KIAA0319L: variants seen among roughly 807,000 people sequenced by gnomAD.
The protein encoded by KIAA0319L is dyslexia-associated protein KIAA0319-like protein.
Under a neutral mutation model 120.1 loss-of-function variants are expected in KIAA0319L, and 55 were observed. The ratio of observed to expected loss-of-function variants is 0.46; its 90% CI spans 0.37 to 0.57. The LOEUF (loss-of-function observed/expected upper bound fraction) is 0.57, where lower values mean the gene tolerates loss of function less well. Among genes scored for constraint, KIAA0319L ranks in the 20% least tolerant of loss-of-function variants. The probability of loss-of-function intolerance (pLI) is 0.00; values close to 1 mark genes in which losing one functional copy is unlikely to be tolerated. For synonymous variants in KIAA0319L, 398 were observed against 471.9 expected (o/e 0.84, Z 2.03); for missense variants, 1,049 against 1,255.3 (o/e 0.84, Z 2.48).
intron 2 of KIAA0319L, among the ~76,000 whole-genome samples, chr1:35,525,571 G>A (rs1224326965): frequency 3.9e-5 from 6 of 151,998 alleles, no homozygotes; most frequent in Non-Finnish European, 8.8e-5. Context: ...ATCTCATTGT[G>A]GTTTTGATTT....
chr1:35,458,730 G>C (rs184295745), intron 9 of KIAA0319L, among the ~76,000 whole-genome samples: 103 of 152,306 alleles, frequency 6.8e-4, no homozygotes, highest in Non-Finnish European at 9.7e-4. Flanking sequence ...ATAGTATTTA[G>C]CACATAGTAA....
At chr1:35,444,438 T>G (rs1463765153) in intron 16 of KIAA0319L, 135 bp from the exon 17 acceptor site, 1 of 808,710 alleles carries the variant, frequency 1.2e-6, no homozygotes, top group African/African-American at 1.8e-5. Flanking sequence ...TACAAGCCAG[T>G]GAGAAAGGTG....
chr1:35,547,879 T>G (rs1024334989), intron 2 of KIAA0319L, among the ~76,000 whole-genome samples: 3 of 152,144 alleles, frequency 2.0e-5, no homozygotes, highest in African/African-American at 7.2e-5. Flanking sequence ...CCCAGCACTC[T>G]GGGAGGCCAA....
intron 6 of KIAA0319L, among the ~76,000 whole-genome samples, chr1:35,467,098 C>T (rs961177083): frequency 2.1e-4 from 31 of 148,960 alleles, no homozygotes; most frequent in Non-Finnish European, 2.4e-4. Flanking sequence ...AGATAAACAA[C>T]GAACTGAAAA....
intron 6 of KIAA0319L, among the ~76,000 whole-genome samples, chr1:35,469,024 G>A (rs747195893): frequency 3.3e-5 from 5 of 152,130 alleles, no homozygotes; most frequent in African/African-American, 9.7e-5. Flanking sequence ...GAATTCAATA[G>A]GTGGTTTTTA....
chr1:35,435,148 T>C (rs1214697503), intron 20 of KIAA0319L, 67 bp from the exon 21 acceptor site: 2 of 1,420,380 alleles, frequency 1.4e-6, no homozygotes, highest in African/African-American at 2.8e-5. Flanking sequence ...CCCCACACCT[T>C]ACCCCAGCCT....
At chr1:35,476,012 C>T (rs905855610) in intron 4 of KIAA0319L, among the ~76,000 whole-genome samples, 1 of 152,218 alleles carries the variant, frequency 6.6e-6, no homozygotes, top group African/African-American at 2.4e-5. Flanking sequence ...AGCTTAAAGT[C>T]TGTCTCCTCT....
chr1:35,505,803 AG>A (rs913059172), intron 3 of KIAA0319L, among the ~76,000 whole-genome samples: 2 of 152,248 alleles, frequency 1.3e-5, no homozygotes, highest in African/African-American at 4.8e-5. Flanking sequence ...CCAGGTAAAC[AG>A]GGCTAATAAT....
chr1:35,478,365 C>T (rs1475368812), intron 4 of KIAA0319L, among the ~76,000 whole-genome samples: 4 of 151,590 alleles, frequency 2.6e-5, no homozygotes. Context: ...AACAGGGTGA[C>T]TATAGTCAAT....
At chr1:35,523,665 T>C (rs533945134) in intron 2 of KIAA0319L, among the ~76,000 whole-genome samples, 1 of 152,088 alleles carries the variant, frequency 6.6e-6, no homozygotes, top group African/African-American at 2.4e-5. Flanking sequence ...TGCATGAAAG[T>C]GGAGGAGGAA....
intron 3 of KIAA0319L, among the ~76,000 whole-genome samples, chr1:35,503,207 G>C (rs1339670239): frequency 1.3e-5 from 2 of 152,124 alleles, no homozygotes. Flanking sequence ...ACAAGAAAGA[G>C]ATGAGAACTA....
intron 3 of KIAA0319L, among the ~76,000 whole-genome samples, chr1:35,481,682 A>G (rs1215180131): frequency 6.6e-6 from 1 of 152,086 alleles, no homozygotes; most frequent in African/African-American, 2.4e-5. Context: ...AATTTGATAA[A>G]TTTTTATGTA....
At chr1:35,528,859 CTTT>C (rs528754210) in intron 2 of KIAA0319L, among the ~76,000 whole-genome samples, 10 of 152,120 alleles carry the variant, frequency 6.6e-5, no homozygotes, top group Non-Finnish European at 1.3e-4. Context: ...TAATGACCTT[CTTT>C]GTCTCTTTTT....
chr1:35,456,181 G>A lies in KIAA0319L; in HGVS notation c.1488C>T (p.Asn496=). 3 of 1,612,868 alleles carry A rather than the reference G, an allele frequency of 1.9e-6. No homozygotes were observed. Among genetic ancestry groups the A allele is most frequent in the Non-Finnish European group, 2.5e-6 (3 of 1,179,292 alleles). ...TNSTTANLTV[N]KAVDYPPVAN... ...CCACAGGGGGGTAATCCACAGCTTT[G>A]TTCACTGTCAGGTTTGCAGTAGTAG... Residue 496 remains asparagine, a synonymous_variant, in exon 10 of 21, where the codon AAC becomes AAT. Coordinates refer to ENST00000325722, the MANE Select transcript of KIAA0319L (RefSeq NM_024874.5).
At chr1:35,540,027 A>C (rs1646730536) in intron 2 of KIAA0319L, among the ~76,000 whole-genome samples, 1 of 152,246 alleles carries the variant, frequency 6.6e-6, no homozygotes. Context: ...CTGCTGGATT[A>C]GAATCAAAAC....
At chr1:35,492,256 C>A (rs1225851901) in intron 3 of KIAA0319L, among the ~76,000 whole-genome samples, 2 of 152,158 alleles carry the variant, frequency 1.3e-5, no homozygotes, top group African/African-American at 2.4e-5. Context: ...AGGCTCACGT[C>A]TGTAATCCCA....
At chr1:35,505,976 G>C (rs994935058) in intron 3 of KIAA0319L, among the ~76,000 whole-genome samples, 2 of 152,256 alleles carry the variant, frequency 1.3e-5, no homozygotes, top group African/African-American at 4.8e-5. Context: ...AAGGAAGACT[G>C]AGCAGAGAGT....
intron 2 of KIAA0319L, among the ~76,000 whole-genome samples, chr1:35,552,458 C>T (rs1444465406): frequency 6.6e-6 from 1 of 152,186 alleles, no homozygotes; most frequent in Non-Finnish European, 1.5e-5. Flanking sequence ...AATCCTACCT[C>T]CACCATGTTC....
intron 3 of KIAA0319L, among the ~76,000 whole-genome samples, chr1:35,493,458 G>A (rs544194362): frequency 6.6e-6 from 1 of 151,876 alleles, no homozygotes; most frequent in African/African-American, 2.4e-5. Context: ...CACTAGCTGG[G>A]TGCCAGTGTA....
Sources: allele counts gnomAD v4.1 joint callset (sites outside exome capture counted in the v4.1 genomes callset), GRCh38; gene constraint gnomAD v4.1.1; transcripts MANE v1.5; gene names NCBI Gene and HGNC (gene_info 2026-07-23, HGNC 2026-07-21).